The following PPARGC1A variants were observed in gnomAD, a reference collection of about 807,000 sequenced individuals.
The protein encoded by PPARGC1A is peroxisome proliferator-activated receptor gamma coactivator 1-alpha.
PPARGC1A carries 25 observed loss-of-function variants against 88.7 expected under a neutral mutation model. The observed-to-expected ratio is 0.28, with a 90% confidence interval of 0.21 to 0.39. The LOEUF (loss-of-function observed/expected upper bound fraction) is 0.39, where lower values mean the gene tolerates loss of function less well. PPARGC1A is among the 10% of genes least tolerant of loss of function. The probability of loss-of-function intolerance (pLI) is 1.00; values close to 1 mark genes in which losing one functional copy is unlikely to be tolerated. For synonymous variants in PPARGC1A, 363 were observed against 355.6 expected (o/e 1.02, Z -0.24); for missense variants, 880 against 968.7 (o/e 0.91, Z 1.22).
the PPARGC1A span, among the ~76,000 whole-genome samples, chr4:24,287,482 T>C: frequency 3.9e-5 from 6 of 152,248 alleles, no homozygotes; most frequent in East Asian, 1.2e-3. Context: ...TAGCCACTTA[T>C]CTATGAATAA....
chr4:23,800,887 A>C (rs1341464953), intron 12 of PPARGC1A, among the ~76,000 whole-genome samples: 1 of 151,648 alleles, frequency 6.6e-6, no homozygotes, highest in Non-Finnish European at 1.5e-5. Context: ...AGTTCTAGTA[A>C]TTAAATGGAA....
the PPARGC1A span, among the ~76,000 whole-genome samples, chr4:23,982,088 C>T: frequency 6.6e-6 from 1 of 152,032 alleles, no homozygotes; most frequent in East Asian, 1.9e-4. Context: ...AAAATATATC[C>T]ACTCCTACCC....
chr4:23,956,470 T>G, the PPARGC1A span, among the ~76,000 whole-genome samples: 1 of 151,952 alleles, frequency 6.6e-6, no homozygotes, highest in African/African-American at 2.4e-5. Flanking sequence ...ACTCACAGAG[T>G]CAAACCACAG....
the PPARGC1A span, among the ~76,000 whole-genome samples, chr4:24,177,773 T>C: frequency 2.0e-5 from 3 of 151,590 alleles, no homozygotes; most frequent in Non-Finnish European, 4.4e-5. Context: ...AGTGATAAGA[T>C]ACAACTGCTC....
At chr4:24,332,483 T>G in the PPARGC1A span, among the ~76,000 whole-genome samples, 1 of 152,202 alleles carries the variant, frequency 6.6e-6, no homozygotes, top group Non-Finnish European at 1.5e-5. Flanking sequence ...GAGTAAATCC[T>G]CAATAAACAC....
At chr4:23,811,816 G>A (rs1235069657) in intron 10 of PPARGC1A, among the ~76,000 whole-genome samples, 2 of 145,296 alleles carry the variant, frequency 1.4e-5, no homozygotes, top group African/African-American at 5.1e-5. Context: ...AAATGTCATT[G>A]AAAAGTAGTT....
chr4:24,076,724 G>A, the PPARGC1A span, among the ~76,000 whole-genome samples: 1 of 152,006 alleles, frequency 6.6e-6, no homozygotes, highest in African/African-American at 2.4e-5. Context: ...CATCCCACCA[G>A]GTTGTTGCAT....
chr4:24,177,355 C>T, the PPARGC1A span, among the ~76,000 whole-genome samples: 1 of 151,658 alleles, frequency 6.6e-6, no homozygotes, highest in Non-Finnish European at 1.5e-5. Context: ...TCTCAGCAAA[C>T]TATCACAAGG....
chr4:23,795,087 A>G lies in PPARGC1A; in HGVS notation c.*735T>C, dbSNP rs1717273628. ...AGAGAGAGAGAGAGAGAGACAGGATATTAGTTCTATGGAACCTGTGGTTTC... is the reference window on the plus strand; with the variant it reads ...AGAGAGAGAGAGAGAGAGACAGGATGTTAGTTCTATGGAACCTGTGGTTTC... On this transcript the variant is annotated 3_prime_UTR_variant, in exon 13 of 13. Transcript: ENST00000264867. The G allele has an allele frequency of 6.6e-6, 1 of 151,348 alleles. No homozygotes were observed. Among genetic ancestry groups the G allele is most frequent in the South Asian group, 2.1e-4 (1 of 4,772 alleles). The allele number at this position is 151,348 out of a possible 1,614,324, so 9.4% of individuals were successfully genotyped here.
At chr4:24,396,227 A>G in the PPARGC1A span, among the ~76,000 whole-genome samples, 9 of 152,140 alleles carry the variant, frequency 5.9e-5, no homozygotes, top group Non-Finnish European at 1.3e-4. Context: ...TGTGCAGTCC[A>G]AACCCTTAGA....
At chr4:23,865,417 A>G (rs1315448921) in intron 2 of PPARGC1A, among the ~76,000 whole-genome samples, 1 of 152,214 alleles carries the variant, frequency 6.6e-6, no homozygotes, top group African/African-American at 2.4e-5. Context: ...GAAATCACAC[A>G]TAACCAAGGG....
At chr4:24,322,717 A>G in the PPARGC1A span, among the ~76,000 whole-genome samples, 1 of 152,162 alleles carries the variant, frequency 6.6e-6, no homozygotes, top group Non-Finnish European at 1.5e-5. Flanking sequence ...GAGTGTTTCT[A>G]CCTCAGAAAT....
At chr4:24,229,039 A>G in the PPARGC1A span, among the ~76,000 whole-genome samples, 4 of 152,042 alleles carry the variant, frequency 2.6e-5, no homozygotes, top group African/African-American at 9.7e-5. Context: ...ACGATTCTCA[A>G]CCTTGGCTGC....
At chr4:23,796,242 C>T (rs1380219575) in intron 12 of PPARGC1A, among the ~76,000 whole-genome samples, 1 of 152,088 alleles carries the variant, frequency 6.6e-6, no homozygotes, top group Non-Finnish European at 1.5e-5. Context: ...CATGGTTCCT[C>T]AATAACTTAG....
the PPARGC1A span, among the ~76,000 whole-genome samples, chr4:24,164,671 A>T: frequency 3.1e-4 from 47 of 152,310 alleles, no homozygotes; most frequent in East Asian, 7.3e-3. Flanking sequence ...GCCTTAGAGA[A>T]TCTGTTTTAA....
chr4:24,221,885 A>G, the PPARGC1A span, among the ~76,000 whole-genome samples: 6 of 152,216 alleles, frequency 3.9e-5, no homozygotes, highest in Admixed American at 1.3e-4. Flanking sequence ...TTCTTCACTC[A>G]AAGTTCACCA....
chr4:24,022,944 G>A, the PPARGC1A span, among the ~76,000 whole-genome samples: 1 of 152,144 alleles, frequency 6.6e-6, no homozygotes, highest in African/African-American at 2.4e-5. Flanking sequence ...GGATGAATAA[G>A]ACATGTGCCT....
chr4:23,799,420 T>C (rs575511036), intron 12 of PPARGC1A, among the ~76,000 whole-genome samples: 48 of 152,348 alleles, frequency 3.2e-4, no homozygotes, highest in African/African-American at 9.9e-4. Context: ...CACTATATGG[T>C]ATTTTACAAA....
chr4:24,162,494 G>C, the PPARGC1A span, among the ~76,000 whole-genome samples: 319 of 152,166 alleles, frequency 2.1e-3, 1 homozygote, highest in African/African-American at 7.1e-3. Flanking sequence ...TGTCTCCTTA[G>C]CTGTAGAGTT....
Sources: gnomAD v4.1 joint callset for allele counts (sites outside exome capture counted in the v4.1 genomes callset) on GRCh38, gnomAD v4.1.1 for gene constraint, MANE v1.5 for transcripts, NCBI Gene and HGNC (gene_info 2026-07-23, HGNC 2026-07-21) for gene names.